The following PPIG variants were observed in gnomAD, a reference collection of about 807,000 sequenced individuals.
The protein encoded by PPIG is peptidylprolyl isomerase G, also known as peptidyl-prolyl cis-trans isomerase G.
In PPIG, 26 loss-of-function variants were observed where a neutral mutation model predicts 87.9. The observed-to-expected ratio is 0.30, with a 90% CI of 0.22 to 0.41. PPIG has a LOEUF of 0.41. Ranked by LOEUF, PPIG falls within the 10% of genes least tolerant of loss-of-function variation. The pLI is 1.00. For missense variants in PPIG, 722 were observed against 879.4 expected, an observed-to-expected ratio of 0.82 and a Z score of 2.26; for synonymous variants, 308 against 276.5, an observed-to-expected ratio of 1.11 and a Z score of -1.13.
intron 9 of PPIG, among the ~76,000 whole-genome samples, chr2:169,621,882 A>G (rs1574458233): frequency 6.6e-6 from 1 of 151,936 alleles, no homozygotes; most frequent in South Asian, 2.1e-4. Context: ...GCTTGAGCCC[A>G]GGAGTTTCAG....
rs535981512 is a variant in PPIG, at chr2:169,624,837, A to G, written c.548-5937A>G. Among the ~76,000 whole-genome samples, 148 of 152,196 alleles carry G rather than the reference A, an allele frequency of 9.7e-4. 2 individuals carry two copies. Among genetic ancestry groups the G allele is most frequent in the Middle Eastern group, 3.4e-3 (1 of 294 alleles). On this transcript the variant is annotated intron_variant, in intron 9 of 13. Transcript: ENST00000260970. The stretch of plus-strand genomic sequence containing the variant: ...GATCTTCTGACTTCGTGATCCGCCC[A>G]CCTCGGCCTCCCAGAGTGCTGGGAT...
chr2:169,625,364 A>T (rs1685857000), intron 9 of PPIG, among the ~76,000 whole-genome samples: 1 of 152,214 alleles, frequency 6.6e-6, no homozygotes, highest in Non-Finnish European at 1.5e-5. Flanking sequence ...ATCTTGTAGA[A>T]TGAATTTCCT....
chr2:169,638,990 T>TAG lies in PPIG; in HGVS notation c.*1468_*1469insGA, dbSNP rs1686252587. 1 of 152,056 alleles carries TAG rather than the reference T, an allele frequency of 6.6e-6. No individual in the cohort carries two copies. The highest frequency in any genetic ancestry group is 1.5e-5 in the Non-Finnish European group (1 of 67,928). 9.4% of individuals were successfully genotyped at this position (152,056 alleles called of 1,614,324 possible). A position where few individuals can be genotyped will look rare whatever the true frequency, so the allele number is the denominator to read the frequency against. On this transcript the variant is annotated 3_prime_UTR_variant, in exon 14 of 14. Transcript: ENST00000260970. ...GTAGCTTCTTGGTAAATCCAGTAGC[T>TAG]ACTCAATGCTATTTGTACTGAATAA...
chr2:169,614,928 G>T (rs766637835), intron 9 of PPIG, among the ~76,000 whole-genome samples: 1 of 152,122 alleles, frequency 6.6e-6, no homozygotes, highest in Non-Finnish European at 1.5e-5. Flanking sequence ...ATGTTTTGAA[G>T]TATGTATATG....
chr2:169,606,140 A>G lies in PPIG; in HGVS notation c.238A>G (p.Ser80Gly). 1 of 1,587,068 alleles carries G rather than the reference A, an allele frequency of 6.3e-7. No homozygotes were observed. Among genetic ancestry groups the G allele is most frequent in the Non-Finnish European group, 8.7e-7 (1 of 1,155,572 alleles). The change falls in exon 5 of 14, where the codon AGT (serine) becomes GGT (glycine). Residue 80 changes from serine (S) to glycine (G), a missense_variant. Transcript: ENST00000260970. ...KDFMVQGGDF[S>G]EGNGRGGESI... is the part of the protein sequence containing the mutation. ...TTTTATGGTTCAAGGTGGTGACTTCAGTGAAGGTGAGACTTGGAAAAATCA... is the reference window on the plus strand; with the variant it reads ...TTTTATGGTTCAAGGTGGTGACTTCGGTGAAGGTGAGACTTGGAAAAATCA...
At position 169,630,012 on chromosome 2, in the gene PPIG, CCAT is replaced by C. The variant is rs1405636651; in HGVS notation, c.548-761_548-759del. On this transcript the variant is annotated intron_variant, in intron 9 of 13. Coordinates refer to ENST00000260970, the MANE Select transcript of PPIG (RefSeq NM_004792.3). ...GCCCCAGTTAGCCTCTTCAAATCCA[CCAT>C]GATTTGAATGAGTATACCTTTAGAT... Among the ~76,000 whole-genome samples the C allele has an allele frequency of 2.0e-5, 3 of 152,210 alleles. No individual in the cohort carries two copies. In the East Asian group the frequency reaches 5.8e-4, roughly 29 times the overall value.
At chr2:169,594,053 T>TC (rs1684945556) in intron 1 of PPIG, among the ~76,000 whole-genome samples, 1 of 152,146 alleles carries the variant, frequency 6.6e-6, no homozygotes, top group Non-Finnish European at 1.5e-5. Context: ...TTTTGTGATA[T>TC]TATGATAGGT....
At chr2:169,591,443 CAAG>C (rs1684861167) in intron 1 of PPIG, among the ~76,000 whole-genome samples, 1 of 151,902 alleles carries the variant, frequency 6.6e-6, no homozygotes, top group Non-Finnish European at 1.5e-5. Context: ...ATAGGAAAAA[CAAG>C]AATATAATAA....
chr2:169,608,803 C>T lies in PPIG; in HGVS notation c.377+45C>T, dbSNP rs115105050. The T allele has an allele frequency of 6.1e-4, 869 of 1,422,424 alleles. 4 individuals carry two copies. The African/African-American group carries it at 0.011, about 18-fold the overall frequency. The allele number at this position is 1,422,424 out of a possible 1,614,324, so 88.1% of individuals were successfully genotyped here. A position where few individuals can be genotyped will look rare whatever the true frequency, so the allele number is the denominator to read the frequency against. ...TGATTTAAAACATCCCATTTTTGGG[C>T]CGGGCACGGTGGCTCATGCCTGTAA... On this transcript the variant is annotated intron_variant, in intron 7 of 13. Transcript: ENST00000260970.
intron 12 of PPIG, 60 bp downstream of exon 12, chr2:169,633,307 T>G: frequency 7.7e-7 from 1 of 1,293,280 alleles, no homozygotes; most frequent in Non-Finnish European, 1.1e-6. Context: ...TTAAATAATT[T>G]TAGGGTGTTT....
intron 9 of PPIG, among the ~76,000 whole-genome samples, chr2:169,625,975 A>G (rs1034198779): frequency 2.6e-5 from 4 of 152,096 alleles, no homozygotes; most frequent in African/African-American, 9.7e-5. Flanking sequence ...CTCCAGTGGT[A>G]AGGCTTGCTT....
In PPIG at chr2:169,639,993, G is replaced by C. The variant is rs1388356660; in HGVS notation, c.*2470G>C. 2 of 152,068 alleles carry C rather than the reference G, an allele frequency of 1.3e-5. No homozygotes were observed. The highest frequency in any genetic ancestry group is 1.3e-4 in the Admixed American group (2 of 15,260). 9.4% of individuals were successfully genotyped at this position (152,068 alleles called of 1,614,324 possible). A position where few individuals can be genotyped will look rare whatever the true frequency, so the allele number is the denominator to read the frequency against. ...ATTTATTGCTCAATTGGTGATAGCT[G>C]AGAAAATTTTTTCAATATGTAGAAT... On this transcript the variant is annotated 3_prime_UTR_variant, in exon 14 of 14. Transcript: ENST00000260970.
chr2:169,603,887 G>T, intron 2 of PPIG, 139 bp from the exon 3 acceptor site: 1 of 671,296 alleles, frequency 1.5e-6, no homozygotes, highest in South Asian at 2.0e-5. Context: ...TAATCCATGT[G>T]ATTTACCTCA....
rs1374174424 is a variant in PPIG at position 169,639,160 on chromosome 2, T to C, written c.*1637T>C. 6.6e-6 allele frequency: 1 copy of C among 152,008 alleles called. No homozygotes were observed. Among genetic ancestry groups the C allele is most frequent in the African/African-American group, 2.4e-5 (1 of 41,424 alleles). 9.4% of individuals were successfully genotyped at this position (152,008 alleles called of 1,614,324 possible). A position where few individuals can be genotyped will look rare whatever the true frequency, so the allele number is the denominator to read the frequency against. ...ATACAGATATCCACAATGAATTCTT[T>C]CCAAAATTTTTTTTTCCGATGATAA... On this transcript the variant is annotated 3_prime_UTR_variant, in exon 14 of 14. Coordinates refer to ENST00000260970, the MANE Select transcript of PPIG (RefSeq NM_004792.3).
chr2:169,627,897 A>G (rs1035807757), intron 9 of PPIG, among the ~76,000 whole-genome samples: 2 of 151,918 alleles, frequency 1.3e-5, no homozygotes, highest in African/African-American at 4.8e-5. Context: ...GTTTAAGTGT[A>G]GTATTTTTAT....
intron 9 of PPIG, among the ~76,000 whole-genome samples, chr2:169,627,926 T>TG (rs746979302): frequency 3.1e-4 from 47 of 152,290 alleles, no homozygotes; most frequent in Non-Finnish European, 5.6e-4. Flanking sequence ...CACAATTTTA[T>TG]GTTTTTATTT....
chr2:169,613,792 G>C lies in PPIG; in HGVS notation c.378-672G>C, dbSNP rs192914069. On this transcript the variant is annotated intron_variant, in intron 7 of 13. Coordinates refer to ENST00000260970, the MANE Select transcript of PPIG (RefSeq NM_004792.3). ...AATACAAAAATTAGCCAGGCATGCT[G>C]GCATGCACCTATAGTCCCAGCTACT... is the stretch of plus-strand genomic sequence containing the variant. Among the ~76,000 whole-genome samples, 160 of 152,282 alleles carry C rather than the reference G, an allele frequency of 1.1e-3. 3 individuals are homozygous for C. In the East Asian group the frequency reaches 0.016, roughly 16 times the overall value.
intron 4 of PPIG, among the ~76,000 whole-genome samples, chr2:169,604,740 G>C (rs907094697): frequency 6.6e-6 from 1 of 151,846 alleles, no homozygotes; most frequent in Non-Finnish European, 1.5e-5. Context: ...CAAATGTGGT[G>C]GCGCACGCCT....
chr2:169,609,287 C>T (rs1685423644), intron 7 of PPIG, among the ~76,000 whole-genome samples: 1 of 151,968 alleles, frequency 6.6e-6, no homozygotes. Context: ...TGGCTCACCA[C>T]AGCCTCGACC....
Sources: gnomAD v4.1 joint callset for allele counts (sites outside exome capture counted in the v4.1 genomes callset) on GRCh38, gnomAD v4.1.1 for gene constraint, MANE v1.5 for transcripts, NCBI Gene and HGNC (gene_info 2026-07-23, HGNC 2026-07-21) for gene names.